PTPRZ1: variants seen among roughly 807,000 people sequenced by gnomAD.
PTPRZ1 encodes receptor-type tyrosine-protein phosphatase zeta.
A neutral mutation model predicts 214.1 loss-of-function variants in PTPRZ1; 82 were observed. The ratio of observed to expected loss-of-function variants is 0.38; its 90% CI spans 0.32 to 0.46. The LOEUF (loss-of-function observed/expected upper bound fraction) is 0.46, where lower values mean the gene tolerates loss of function less well. PTPRZ1 is among the 20% of genes least tolerant of loss of function. The pLI is 1.00. For missense variants in PTPRZ1, 2,603 were observed against 2,748.7 expected (o/e 0.95, Z 1.19); for synonymous variants, 945 against 987.9 (o/e 0.96, Z 0.81).
chr7:122,045,822 A>C (rs938001241), intron 23 of PTPRZ1, among the ~76,000 whole-genome samples: 1 of 152,108 alleles, frequency 6.6e-6, no homozygotes, highest in African/African-American at 2.4e-5. Context: ...AAATGAAAAT[A>C]TTAACTATAA....
At chr7:121,978,384 T>G (rs963822016) in intron 6 of PTPRZ1, among the ~76,000 whole-genome samples, 1 of 152,152 alleles carries the variant, frequency 6.6e-6, no homozygotes, top group African/African-American at 2.4e-5. Flanking sequence ...AGAAAGAGAT[T>G]GAATTGACTC....
intron 27 of PTPRZ1, among the ~76,000 whole-genome samples, chr7:122,057,645 C>CTTTT (rs5887066): frequency 2.3e-5 from 3 of 128,176 alleles, no homozygotes; most frequent in African/African-American, 2.9e-5. Context: ...CTTTGTGATT[C>CTTTT]TTTTTTTTTT....
chr7:121,937,862 C>G (rs1796129663), intron 2 of PTPRZ1, among the ~76,000 whole-genome samples: 1 of 152,048 alleles, frequency 6.6e-6, no homozygotes, highest in African/African-American at 2.4e-5. Flanking sequence ...CCATTAATGC[C>G]GAGATCCTTA....
At chr7:121,883,835 A>G (rs1794312492) in intron 1 of PTPRZ1, among the ~76,000 whole-genome samples, 1 of 152,174 alleles carries the variant, frequency 6.6e-6, no homozygotes, top group Non-Finnish European at 1.5e-5. Flanking sequence ...CATATTGGTC[A>G]GGGTGGCCTC....
rs1418213176 is a variant in PTPRZ1 at position 122,010,876 on chromosome 7, C to A, written c.1830C>A (p.Ser610=). ...ACATATCCCAAGGGTATATATTTTC[C>A]TCCGAAAACCCAGAGACAATAACAT... ...SENISQGYIF[S]SENPETITYD... The change falls in exon 12 of 30, where the codon TCC becomes TCA. Residue 610 remains serine, a synonymous_variant. Coordinates refer to ENST00000393386, the MANE Select transcript of PTPRZ1 (RefSeq NM_002851.3). 2 of 1,614,006 alleles carry A rather than the reference C, an allele frequency of 1.2e-6. No individual in the cohort carries two copies. Among genetic ancestry groups the A allele is most frequent in the South Asian group, 2.2e-5 (2 of 91,070 alleles).
chr7:122,056,402 G>A (rs908377611), intron 27 of PTPRZ1, among the ~76,000 whole-genome samples: 2 of 151,686 alleles, frequency 1.3e-5, no homozygotes, highest in African/African-American at 4.8e-5. Context: ...TGGACAACTT[G>A]ATAATCCAGG....
At chr7:121,921,865 A>G (rs920579716) in intron 1 of PTPRZ1, among the ~76,000 whole-genome samples, 8 of 152,190 alleles carry the variant, frequency 5.3e-5, no homozygotes, top group East Asian at 1.9e-4. Context: ...TTGAGCTAGT[A>G]TTATAGCCTA....
intron 2 of PTPRZ1, among the ~76,000 whole-genome samples, chr7:121,953,769 C>T (rs187360853): frequency 5.8e-4 from 87 of 151,274 alleles, no homozygotes; most frequent in South Asian, 1.7e-3. Flanking sequence ...CAGTGTAGAT[C>T]AAAGAAAACG....
chr7:121,989,471 T>TACGAG lies in PTPRZ1; in HGVS notation c.928+5354_928+5355insACGAG, dbSNP rs1355260026. The stretch of plus-strand genomic sequence containing the variant: ...CTCACCGCAACCTCCGCCTCCTGGG[T>TACGAG]TCGAGTGATTCTCCTGCCTCAGCCT... On this transcript the variant is annotated intron_variant, in intron 8 of 29. Coordinates refer to ENST00000393386, the MANE Select transcript of PTPRZ1 (RefSeq NM_002851.3). Among the ~76,000 whole-genome samples the TACGAG allele has an allele frequency of 3.2e-4, 48 of 148,620 alleles. No homozygotes were observed. The Admixed American group carries it at 3.3e-3, about 10-fold the overall frequency.
rs1403036616 is a variant in PTPRZ1, at chr7:122,042,676, G to C, written c.5870G>C (p.Gly1957Ala). The C allele has an allele frequency of 6.2e-7, 1 of 1,613,596 alleles. No homozygotes were observed. The highest frequency in any genetic ancestry group is 1.1e-5 in the South Asian group (1 of 91,048). ...ATGTTGCAGCAGATTCAACACGAAG[G>C]AACTGTCAACATATTTGGCTTCTTA... ...DSMLQQIQHE[G>A]TVNIFGFLKH... The change falls in exon 22 of 30, where the codon GGA becomes GCA. Residue 1957 changes from glycine to alanine, a missense_variant. Physicochemically the swap from Gly to Ala is moderately conservative, Grantham distance 60. Around this residue, in one of 6 missense-constraint regions of PTPRZ1, gnomAD observed 1,913 missense variants for 1,914.3 expected, o/e 1.00. Transcript: ENST00000393386.
At chr7:122,044,698 G>C in intron 23 of PTPRZ1, 130 bp downstream of exon 23, 1 of 930,336 alleles carries the variant, frequency 1.1e-6, no homozygotes, top group Non-Finnish European at 1.6e-6. Context: ...AGCCATCGTT[G>C]TTCCTTACTG....
intron 17 of PTPRZ1, among the ~76,000 whole-genome samples, chr7:122,036,091 C>T (rs1192742671): frequency 1.3e-5 from 2 of 152,164 alleles, no homozygotes; most frequent in Admixed American, 1.3e-4. Flanking sequence ...TAACCATTCA[C>T]AGAAACTTCC....
At chr7:121,891,939 T>TCTAA (rs780530197) in intron 1 of PTPRZ1, among the ~76,000 whole-genome samples, 1 of 152,170 alleles carries the variant, frequency 6.6e-6, no homozygotes, top group Non-Finnish European at 1.5e-5. Context: ...TCCAGCTCCC[T>TCTAA]CTAACTTCTC....
rs1262658686 is a variant in PTPRZ1, at chr7:122,061,670, A to G, written c.*450A>G. 1 of 152,736 alleles carries G rather than the reference A, an allele frequency of 6.5e-6. No homozygotes were observed. Among genetic ancestry groups the G allele is most frequent in the African/African-American group, 2.4e-5 (1 of 41,458 alleles). The allele number at this position is 152,736 out of a possible 1,614,324, so 9.5% of individuals were successfully genotyped here. A position where few individuals can be genotyped will look rare whatever the true frequency, so the allele number is the denominator to read the frequency against. On this transcript the variant is annotated 3_prime_UTR_variant, in exon 30 of 30. Coordinates refer to ENST00000393386, the MANE Select transcript of PTPRZ1 (RefSeq NM_002851.3). ...ATGATATTCAACATTTTACAACTGC[A>G]GTATTCACCTAAAGTAGAAATAATC...
In PTPRZ1 at chr7:121,955,967, G is replaced by A. The variant is rs1010997696; in HGVS notation, c.125-11984G>A. On this transcript the variant is annotated intron_variant, in intron 2 of 29. Coordinates refer to ENST00000393386, the MANE Select transcript of PTPRZ1 (RefSeq NM_002851.3). ...TTATAATTTAAAGTGAAAGATAGGA[G>A]GACTTTGGGGTTCTGACGGTTTGAT... 2.0e-5 allele frequency among the ~76,000 whole-genome samples: 3 copies of A among 152,122 alleles called. No individual in the cohort carries two copies. The East Asian group carries it at 5.8e-4, about 29-fold the overall frequency.
At chr7:121,940,335 G>A (rs888982433) in intron 2 of PTPRZ1, among the ~76,000 whole-genome samples, 1 of 152,166 alleles carries the variant, frequency 6.6e-6, no homozygotes, top group African/African-American at 2.4e-5. Flanking sequence ...ACTCCAAGAG[G>A]GGTACAGCTT....
chr7:122,059,986 A>G (rs1255442845), intron 29 of PTPRZ1, 98 bp downstream of exon 29: 20 of 1,189,972 alleles, frequency 1.7e-5, no homozygotes, highest in Non-Finnish European at 2.2e-5. Flanking sequence ...GATCTTATTA[A>G]CTGATAACAT....
At chr7:121,916,529 C>T (rs1295537204) in intron 1 of PTPRZ1, among the ~76,000 whole-genome samples, 1 of 152,086 alleles carries the variant, frequency 6.6e-6, no homozygotes, top group Non-Finnish European at 1.5e-5. Flanking sequence ...AATATCTAAC[C>T]CCTGGCCAAG....
chr7:122,061,785 G>A lies in PTPRZ1; in HGVS notation c.*565G>A, dbSNP rs1194983095. ...TTTTTATATTTTACTACTGAGTCAA[G>A]TTTTCTAGTTCTGTGTAATTGTTTA... On this transcript the variant is annotated 3_prime_UTR_variant, in exon 30 of 30. Coordinates refer to ENST00000393386, the MANE Select transcript of PTPRZ1 (RefSeq NM_002851.3). 1 of 152,444 alleles carries A rather than the reference G, an allele frequency of 6.6e-6. No homozygotes were observed. The highest frequency in any genetic ancestry group is 1.9e-4 in the East Asian group (1 of 5,190). The allele number at this position is 152,444 out of a possible 1,614,324, so 9.4% of individuals were successfully genotyped here.
Sources: gnomAD v4.1 joint callset for allele counts (sites outside exome capture counted in the v4.1 genomes callset) on GRCh38, gnomAD v4.1.1 for gene constraint, gnomAD v4.1.1 regional missense constraint, MANE v1.5 for transcripts, NCBI Gene and HGNC (gene_info 2026-07-23, HGNC 2026-07-21) for gene names.